AREL1: variants seen among roughly 807,000 people sequenced by gnomAD.
The protein encoded by AREL1 is apoptosis resistant E3 ubiquitin protein ligase 1, also known as apoptosis-resistant E3 ubiquitin protein ligase 1.
Under a neutral mutation model 99.0 loss-of-function variants are expected in AREL1, and 62 were observed. The observed-to-expected ratio is 0.63, with a 90% CI of 0.51 to 0.77. The LOEUF (loss-of-function observed/expected upper bound fraction) is 0.77. Ranked by LOEUF, AREL1 falls within the 30% of genes least tolerant of loss-of-function variation. The pLI, the probability that AREL1 is intolerant of heterozygous loss-of-function variation, is 0.00. For synonymous variants in AREL1, 380 were observed against 376.5 expected (o/e 1.01, Z -0.11); for missense variants, 879 against 1,027.6 (o/e 0.86, Z 1.98).
chr14:74,702,267 C>T (rs566412020), intron 1 of AREL1, among the ~76,000 whole-genome samples: 1 of 152,360 alleles, frequency 6.6e-6, no homozygotes, highest in Admixed American at 6.5e-5. Flanking sequence ...GGCCCCACCC[C>T]ATAGCAGACT....
At position 74,692,207 on chromosome 14, in the gene AREL1, T is replaced by A. The variant is rs1231743989; in HGVS notation, c.-212A>T. ...ATCAGACTTTGTCACAGTAATCAGG[T>A]CAGTGTTTCTGGGATGAACTGGATG... On this transcript the variant is annotated 5_prime_UTR_variant, in exon 2 of 20. Transcript: ENST00000356357. The A allele has an allele frequency of 2.2e-6, 1 of 456,164 alleles. No individual in the cohort carries two copies. The highest frequency in any genetic ancestry group is 4.4e-6 in the Non-Finnish European group (1 of 226,864). 28.3% of individuals were successfully genotyped at this position (456,164 alleles called of 1,614,324 possible). A position where few individuals can be genotyped will look rare whatever the true frequency, so the allele number is the denominator to read the frequency against.
At chr14:74,668,772 T>G (rs1294384197) in intron 15 of AREL1, among the ~76,000 whole-genome samples, 1 of 152,228 alleles carries the variant, frequency 6.6e-6, no homozygotes, top group Admixed American at 6.5e-5. Context: ...TTAAATTTAC[T>G]GCAACTTTAG....
chr14:74,703,834 T>C (rs1323332764), intron 1 of AREL1, among the ~76,000 whole-genome samples: 1 of 152,202 alleles, frequency 6.6e-6, no homozygotes, highest in Non-Finnish European at 1.5e-5. Flanking sequence ...CATGATTTCA[T>C]TTCTCTTGGG....
chr14:74,675,850 G>A lies in AREL1; in HGVS notation c.929C>T (p.Thr310Ile), dbSNP rs1259110407. Residue 310 changes from threonine to isoleucine, a missense_variant, in exon 8 of 20, where the codon ACT becomes ATT. Coordinates refer to ENST00000356357, the MANE Select transcript of AREL1 (RefSeq NM_001039479.2). ...GTGCATGGGTGGCAGGTGCCATGGA[G>A]TGCTGCTACAGTTGGTAGCATTATA... is the stretch of plus-strand genomic sequence containing the variant. ...YLYNATNCSS[T>I]PWHLPPMHMT... 4 of 1,614,066 alleles carry A rather than the reference G, an allele frequency of 2.5e-6. No homozygotes were observed. In the African/African-American group the frequency reaches 4.0e-5, roughly 16 times the overall value.
intron 5 of AREL1, 65 bp from the exon 6 acceptor site, chr14:74,676,817 G>A: frequency 7.8e-7 from 1 of 1,286,610 alleles, no homozygotes; most frequent in Non-Finnish European, 1.0e-6. Context: ...TTTTTTTTGA[G>A]ATGGAGTCTC....
chr14:74,685,659 A>C lies in AREL1; in HGVS notation c.-44T>G. 1 of 1,613,300 alleles carries C rather than the reference A, an allele frequency of 6.2e-7. No individual in the cohort carries two copies. Among genetic ancestry groups the C allele is most frequent in the East Asian group, 2.2e-5 (1 of 44,840 alleles). Reference sequence around the variant, plus strand: ...ACAGACAGCCGAGGATCACAGCTGCAGCTGTTAAAAGAAAACTTGTTTAGT... The same window carrying C: ...ACAGACAGCCGAGGATCACAGCTGCCGCTGTTAAAAGAAAACTTGTTTAGT... On this transcript the variant is annotated splice_region_variant and 5_prime_UTR_variant, in exon 3 of 20. Transcript: ENST00000356357.
At chr14:74,669,620 G>C (rs1411787575) in intron 15 of AREL1, 29 bp downstream of exon 15, 6 of 1,609,448 alleles carry the variant, frequency 3.7e-6, no homozygotes, top group Non-Finnish European at 5.1e-6. Context: ...GGAGAACATA[G>C]GACCCAGAGG....
Position 74,670,804 on chromosome 14 carries a change from G to A in AREL1, c.1566C>T (p.Thr522=). 1 of 1,614,130 alleles carries A rather than the reference G, an allele frequency of 6.2e-7. No homozygotes were observed. Among genetic ancestry groups the A allele is most frequent in the Non-Finnish European group, 8.5e-7 (1 of 1,180,008 alleles). ...ELICKALFDT[T]NQLFTRFSDN... ...CACTGAACCGGGTGAAGAGCTGATT[G>A]GTGGTATCAAATAGTGCTTTGCAGA... The change falls in exon 13 of 20, where the codon ACC becomes ACT. Residue 522 remains threonine, a synonymous_variant. Transcript: ENST00000356357.
intron 1 of AREL1, among the ~76,000 whole-genome samples, chr14:74,694,881 T>TG (rs1185200363): frequency 6.6e-6 from 1 of 150,756 alleles, no homozygotes; most frequent in African/African-American, 2.4e-5. Flanking sequence ...CCTAGCTACT[T>TG]GGGACGCTGA....
chr14:74,672,050 T>G, intron 11 of AREL1: 1 of 452,444 alleles, frequency 2.2e-6, no homozygotes, highest in Non-Finnish European at 4.5e-6. Context: ...TGCCAGTGTC[T>G]GTGCAGTGGA....
chr14:74,705,979 C>T (rs988178437), intron 1 of AREL1, among the ~76,000 whole-genome samples: 1 of 152,168 alleles, frequency 6.6e-6, no homozygotes, highest in Admixed American at 6.5e-5. Flanking sequence ...ATTTTGTAAC[C>T]TCATGGGGAG....
Position 74,663,460 on chromosome 14 carries a change from A to G in AREL1, c.*260T>C. ...AGATCTTCAAAGGACCAAATAAATGATAGCAGCATGGTCCTCTTCTCATGA... is the reference window on the plus strand; with the variant it reads ...AGATCTTCAAAGGACCAAATAAATGGTAGCAGCATGGTCCTCTTCTCATGA... On this transcript the variant is annotated 3_prime_UTR_variant, in exon 20 of 20. Coordinates refer to ENST00000356357, the MANE Select transcript of AREL1 (RefSeq NM_001039479.2). The G allele has an allele frequency of 2.1e-6, 1 of 486,812 alleles. No homozygotes were observed. 30.2% of individuals were successfully genotyped at this position (486,812 alleles called of 1,614,324 possible).
At position 74,685,592 on chromosome 14, in the gene AREL1, T is replaced by C. The variant is rs764430326; in HGVS notation, c.16+8A>G. On this transcript the variant is annotated splice_region_variant and intron_variant, in intron 3 of 19. Transcript: ENST00000356357. ...AATATAATAGAGAGAGCTCTTTCCATAACGTACCAATAACGTAAAACATCA... is the reference window on the plus strand; with the variant it reads ...AATATAATAGAGAGAGCTCTTTCCACAACGTACCAATAACGTAAAACATCA... The C allele has an allele frequency of 6.2e-6, 10 of 1,613,988 alleles. No individual in the cohort carries two copies. Among genetic ancestry groups the C allele is most frequent in the Middle Eastern group, 1.6e-4 (1 of 6,084 alleles).
chr14:74,688,819 T>C, intron 2 of AREL1, among the ~76,000 whole-genome samples: 1 of 151,556 alleles, frequency 6.6e-6, no homozygotes. Context: ...TCAAAAGCCC[T>C]TCTATTTTAT....
chr14:74,672,156 AATAAC>A, intron 11 of AREL1: 1 of 297,124 alleles, frequency 3.4e-6, no homozygotes, highest in East Asian at 1.0e-4. Flanking sequence ...CCAGGGATTC[AATAAC>A]AAGAAGTTTC....
At chr14:74,671,527 G>C (rs1415227491) in intron 11 of AREL1, 44 bp from the exon 12 acceptor site, 1 of 1,351,416 alleles carries the variant, frequency 7.4e-7, no homozygotes, top group African/African-American at 1.5e-5. Context: ...ACACTGGCTG[G>C]TGTCCTCTGG....
intron 15 of AREL1, among the ~76,000 whole-genome samples, chr14:74,669,194 C>T (rs1461775152): frequency 6.6e-6 from 1 of 152,144 alleles, no homozygotes; most frequent in Non-Finnish European, 1.5e-5. Flanking sequence ...CTGCGCCCAG[C>T]CAAAAAGTTT....
At chr14:74,704,455 G>A (rs911907874) in intron 1 of AREL1, among the ~76,000 whole-genome samples, 1 of 152,010 alleles carries the variant, frequency 6.6e-6, no homozygotes, top group Non-Finnish European at 1.5e-5. Flanking sequence ...GGGCTTCCAG[G>A]TGAGAAAAAT....
At chr14:74,707,184 A>G (rs2090193946) in intron 1 of AREL1, among the ~76,000 whole-genome samples, 1 of 151,506 alleles carries the variant, frequency 6.6e-6, no homozygotes, top group African/African-American at 2.4e-5. Context: ...CCTGGCCAAC[A>G]TGGTGAAATC....
Sources: gnomAD v4.1 joint callset for allele counts (sites outside exome capture counted in the v4.1 genomes callset) on GRCh38, gnomAD v4.1.1 for gene constraint, MANE v1.5 for transcripts, NCBI Gene and HGNC (gene_info 2026-07-23, HGNC 2026-07-21) for gene names.